The following CHRNA10 variants were observed in gnomAD, a reference collection of about 807,000 sequenced individuals.
CHRNA10 encodes the protein neuronal acetylcholine receptor subunit alpha-10.
In CHRNA10, 31 loss-of-function variants were observed where a neutral mutation model predicts 36.0. The observed-to-expected ratio is 0.86, with a 90% CI of 0.65 to 1.16. CHRNA10 has a LOEUF of 1.16. Ranked by LOEUF, CHRNA10 falls within the 50% of genes most tolerant of loss-of-function variation. CHRNA10 has a pLI of 0.00. For synonymous variants in CHRNA10, 302 were observed against 287.0 expected (o/e 1.05, Z -0.53); for missense variants, 648 against 640.9 (o/e 1.01, Z -0.12).
intron 4 of CHRNA10, 109 bp downstream of exon 4, chr11:3,667,123 C>A: frequency 7.1e-7 from 1 of 1,417,576 alleles, no homozygotes; most frequent in Non-Finnish European, 9.2e-7. Context: ...AGGACGCCCC[C>A]CTCTCACTTT....
Position 3,671,273 on chromosome 11 carries a change from G to A in CHRNA10, c.40C>T (p.Leu14Phe). Residue 14 changes from leucine (L) to phenylalanine (F), a missense_variant, in exon 1 of 5, where the codon CTT becomes TTT. Transcript: ENST00000250699. ...RSHHLSLGLL[L>F]LFLLPAECLG... ...ATACCTGCAGGGAGTAGAAACAGAA[G>A]CAGAAGGCCCAGGCTGAGGTGGTGG... The A allele has an allele frequency of 1.2e-6, 2 of 1,614,200 alleles. No individual in the cohort carries two copies. Among genetic ancestry groups the A allele is most frequent in the African/African-American group, 1.3e-5 (1 of 75,074 alleles).
Position 3,669,244 on chromosome 11 carries a change from C to T in CHRNA10, c.314G>A (p.Arg105His), listed in dbSNP as rs765435824. 6.9e-5 allele frequency: 112 copies of T among 1,613,882 alleles called. 1 individual carries two copies. The highest frequency in any genetic ancestry group is 4.5e-4 in the African/African-American group (34 of 74,902). ...CCGCCACACAAGACTGCTGGGGATGCGGATGGCATCCAGGCCACCATAGGC... is the reference window on the plus strand; with the variant it reads ...CCGCCACACAAGACTGCTGGGGATGTGGATGGCATCCAGGCCACCATAGGC... ...PNAYGGLDAI[R>H]IPSSLVWRPD... Residue 105 changes from arginine to histidine, a missense_variant, in exon 3 of 5, where the codon CGC (arginine) becomes CAC (histidine). Coordinates refer to ENST00000250699, the MANE Select transcript of CHRNA10 (RefSeq NM_020402.4).
rs2077691811 is a variant in CHRNA10 at position 3,668,945 on chromosome 11, T to A, written c.362+251A>T. 9.6e-6 allele frequency: 4 copies of A among 416,176 alleles called. No individual in the cohort carries two copies. In the East Asian group the frequency reaches 1.7e-4, roughly 17 times the overall value. 25.8% of individuals were successfully genotyped at this position (416,176 alleles called of 1,614,324 possible). A position where few individuals can be genotyped will look rare whatever the true frequency, so the allele number is the denominator to read the frequency against. ...GTGTGCCCTAGAGAGGCCCTTGTGA[T>A]TCAGACAACTGCCCTGGACCACACA... On this transcript the variant is annotated intron_variant, in intron 3 of 4. Transcript: ENST00000250699.
chr11:3,668,992 A>T, intron 3 of CHRNA10: 1 of 568,248 alleles, frequency 1.8e-6, no homozygotes, highest in Non-Finnish European at 3.1e-6. Context: ...GGAGACGTTC[A>T]GCCTGGGCTG....
At position 3,667,629 on chromosome 11, in the gene CHRNA10, C is replaced by T; in HGVS notation, c.498G>A (p.Gln166=). 1.3e-6 allele frequency: 2 copies of T among 1,557,490 alleles called. No individual in the cohort carries two copies. Among genetic ancestry groups the T allele is most frequent in the African/African-American group, 1.4e-5 (1 of 73,744 alleles). Residue 166 remains glutamine, a synonymous_variant, in exon 4 of 5, where the codon CAG becomes CAA. Coordinates refer to ENST00000250699, the MANE Select transcript of CHRNA10 (RefSeq NM_020402.4). The part of the protein sequence containing the change: ...VDVAAFPFDA[Q]HCGLTFGSWT... ...AGGAGCCGAACGTCAGGCCGCAGTG[C>T]TGGGCGTCGAACGGGAAGGCTGCTA... is the stretch of plus-strand genomic sequence containing the variant.
At chr11:3,666,599 C>G in intron 4 of CHRNA10, 35 bp from the exon 5 acceptor site, 1 of 1,485,134 alleles carries the variant, frequency 6.7e-7, no homozygotes, top group Non-Finnish European at 9.0e-7. Flanking sequence ...TGACTCAAAA[C>G]AAAAGCCTGT....
Position 3,669,257 on chromosome 11 carries a change from G to C in CHRNA10, c.301C>G (p.Leu101Val). 6.2e-7 allele frequency: 1 copy of C among 1,614,068 alleles called. No individual in the cohort carries two copies. The highest frequency in any genetic ancestry group is 1.7e-5 in the Admixed American group (1 of 60,018). ...CTGCTGGGGATGCGGATGGCATCCA[G>C]GCCACCATAGGCATTGGGGTCCCAT... ...LRWDPNAYGGLDAIRIPSSLV... is the reference protein window; with the variant it reads ...LRWDPNAYGGVDAIRIPSSLV... The change falls in exon 3 of 5, where the codon CTG becomes GTG. Residue 101 changes from leucine to valine, a missense_variant. Physicochemically the swap from Leu to Val is conservative, Grantham distance 32. Transcript: ENST00000250699.
chr11:3,667,193 C>CA, intron 4 of CHRNA10, 39 bp downstream of exon 4: 1 of 1,512,262 alleles, frequency 6.6e-7, no homozygotes. Context: ...GGGGGGACCC[C>CA]AGCGCATCGT....
At position 3,669,712 on chromosome 11, in the gene CHRNA10, G is replaced by A. The variant is rs774627647; in HGVS notation, c.207+84C>T. ...ACATTTACAGAAAAGAAATTCCATGGAGAATAATCCCAGTCTCTCACCCCT... is the reference window on the plus strand; with the variant it reads ...ACATTTACAGAAAAGAAATTCCATGAAGAATAATCCCAGTCTCTCACCCCT... On this transcript the variant is annotated intron_variant, in intron 2 of 4. Coordinates refer to ENST00000250699, the MANE Select transcript of CHRNA10 (RefSeq NM_020402.4). 4.6e-6 allele frequency: 7 copies of A among 1,526,196 alleles called. No homozygotes were observed. In the South Asian group the frequency reaches 7.9e-5, roughly 17 times the overall value. 94.5% of individuals were successfully genotyped at this position (1,526,196 alleles called of 1,614,324 possible).
intron 1 of CHRNA10, among the ~76,000 whole-genome samples, chr11:3,670,410 A>C (rs1347705388): frequency 6.6e-6 from 1 of 152,166 alleles, no homozygotes; most frequent in Non-Finnish European, 1.5e-5. Context: ...CCCAGGCTTT[A>C]CTGACACAAA....
chr11:3,666,479 G>A lies in CHRNA10; in HGVS notation c.981C>T (p.Pro327=), dbSNP rs967719493. 1.2e-6 allele frequency: 2 copies of A among 1,612,294 alleles called. No individual in the cohort carries two copies. The highest frequency in any genetic ancestry group is 1.3e-5 in the African/African-American group (1 of 74,920). The change falls in exon 5 of 5, where the codon CCC becomes CCT. Residue 327 remains proline, a synonymous_variant. Coordinates refer to ENST00000250699, the MANE Select transcript of CHRNA10 (RefSeq NM_020402.4). ...ILIMNLHYCG[P]SVRPVPAWAR... ...CCCAGGCTGGCACTGGGCGGACACT[G>A]GGACCACAGTAATGCAGGTTCATGA...
chr11:3,669,948 G>A lies in CHRNA10; in HGVS notation c.62-7C>T. ...CCCTCAGCTCCCAGGCACTCTGGAG[G>A]GTCAGTAAGGAGGGTTGTCCATCCC... On this transcript the variant is annotated splice_region_variant and splice_polypyrimidine_tract_variant and intron_variant, in intron 1 of 4. Coordinates refer to ENST00000250699, the MANE Select transcript of CHRNA10 (RefSeq NM_020402.4). 5 of 1,614,088 alleles carry A rather than the reference G, an allele frequency of 3.1e-6. No individual in the cohort carries two copies. The highest frequency in any genetic ancestry group is 4.2e-6 in the Non-Finnish European group (5 of 1,179,980).
chr11:3,669,832 CACA>C lies in CHRNA10; in HGVS notation c.168_170del (p.Asn56_Val57delinsLys), dbSNP rs1564790328. Reference sequence around the variant, plus strand: ...TCTGGGACAGTGTCACCTCCAGGGTCACATTCAGAGTCTGGTCTGTGTCTGCCA... The same window carrying C: ...TCTGGGACAGTGTCACCTCCAGGGTCTTCAGAGTCTGGTCTGTGTCTGCCA... On this transcript the variant is annotated inframe_deletion, in exon 2 of 5. Coordinates refer to ENST00000250699, the MANE Select transcript of CHRNA10 (RefSeq NM_020402.4). 1.9e-6 allele frequency: 3 copies of C among 1,614,154 alleles called. No homozygotes were observed. Among genetic ancestry groups the C allele is most frequent in the Non-Finnish European group, 2.5e-6 (3 of 1,180,020 alleles).
chr11:3,665,900 TAGGG>T lies in CHRNA10; in HGVS notation c.*203_*206del. The T allele has an allele frequency of 2.0e-6, 1 of 490,434 alleles. No homozygotes were observed. The highest frequency in any genetic ancestry group is 1.9e-5 in the African/African-American group (1 of 51,530). 30.4% of individuals were successfully genotyped at this position (490,434 alleles called of 1,614,324 possible). On this transcript the variant is annotated 3_prime_UTR_variant, in exon 5 of 5. Coordinates refer to ENST00000250699, the MANE Select transcript of CHRNA10 (RefSeq NM_020402.4). ...GTAGAGTTCCTCTTTTTTTTGGAAT[TAGGG>T]GAGTGGCAGGCTCTGGACTTCCTTT...
At chr11:3,671,063 C>A in intron 1 of CHRNA10, 189 bp downstream of exon 1, 1 of 624,292 alleles carries the variant, frequency 1.6e-6, no homozygotes, top group Non-Finnish European at 2.8e-6. Flanking sequence ...ACTGTTTCCA[C>A]CCTAGCCAGG....
chr11:3,671,130 G>A (rs1343435729), intron 1 of CHRNA10, 122 bp downstream of exon 1: 2 of 1,023,742 alleles, frequency 2.0e-6, no homozygotes, highest in South Asian at 1.3e-5. Flanking sequence ...CAAATAGAGA[G>A]CTTGTTCTCA....
intron 3 of CHRNA10, chr11:3,668,660 G>A (rs2077689304): frequency 6.6e-6 from 1 of 152,376 alleles, no homozygotes; most frequent in African/African-American, 2.4e-5. Flanking sequence ...GCCCAGAAGG[G>A]ACACAGACGT....
chr11:3,667,290 G>C lies in CHRNA10; in HGVS notation c.837C>G (p.Thr279=). The part of the protein sequence containing the change: ...SLGVTVLLAL[T]VFQLLLAESM... ...TCTCGGCCAGCAGCAACTGGAAGAC[G>C]GTGAGCGCCAGCAGCACGGTGACGC... Residue 279 remains threonine, a synonymous_variant, in exon 4 of 5, where the codon ACC becomes ACG. Transcript: ENST00000250699. The C allele has an allele frequency of 1.3e-6, 2 of 1,598,210 alleles. No individual in the cohort carries two copies. The highest frequency in any genetic ancestry group is 1.7e-6 in the Non-Finnish European group (2 of 1,178,560).
rs748982511 is a variant in CHRNA10, at chr11:3,667,353, G to A, written c.774C>T (p.Phe258=). 6.2e-7 allele frequency: 1 copy of A among 1,601,288 alleles called. No individual in the cohort carries two copies. Among genetic ancestry groups the A allele is most frequent in the East Asian group, 2.2e-5 (1 of 44,780 alleles). ...TCTCGCCTGAGTCGGCAGGCAGGTG[G>A]AAGGCGAGCGGCGCAAGCAGCGAGA... ...VLISLLAPLA[F]HLPADSGEKV... is the part of the protein sequence containing the mutation. The change falls in exon 4 of 5, where the codon TTC becomes TTT. Residue 258 remains phenylalanine (F), a synonymous_variant. Coordinates refer to ENST00000250699, the MANE Select transcript of CHRNA10 (RefSeq NM_020402.4).
Sources: gnomAD v4.1 joint callset for allele counts (sites outside exome capture counted in the v4.1 genomes callset) on GRCh38, gnomAD v4.1.1 for gene constraint, MANE v1.5 for transcripts, NCBI Gene and HGNC (gene_info 2026-07-23, HGNC 2026-07-21) for gene names.